HIRA: variants seen among roughly 807,000 people sequenced by gnomAD.
HIRA encodes the protein histone cell cycle regulator.
HIRA carries 13 observed loss-of-function variants against 126.6 expected under a neutral mutation model. The ratio of observed to expected loss-of-function variants is 0.10; its 90% CI spans 0.07 to 0.16. The LOEUF (loss-of-function observed/expected upper bound fraction) is 0.16. HIRA is among the 10% of genes least tolerant of loss of function. The probability of loss-of-function intolerance (pLI) is 1.00; values close to 1 mark genes in which losing one functional copy is unlikely to be tolerated. For missense variants in HIRA, 834 were observed against 1,314.4 expected (o/e 0.63, Z 5.65); for synonymous variants, 511 against 520.0 (o/e 0.98, Z 0.24).
At chr22:19,405,200 T>C (rs914371524) in intron 5 of HIRA, among the ~76,000 whole-genome samples, 5 of 152,286 alleles carry the variant, frequency 3.3e-5, no homozygotes, top group African/African-American at 1.2e-4. Flanking sequence ...TGTACCACCC[T>C]GCCTGGAAAA....
intron 24 of HIRA, among the ~76,000 whole-genome samples, chr22:19,334,446 T>G (rs1601793842): frequency 6.7e-6 from 1 of 149,852 alleles, no homozygotes. Context: ...AGGCCAGGAG[T>G]TCGAGACCAG....
intron 2 of HIRA, among the ~76,000 whole-genome samples, chr22:19,408,868 T>C (rs752791518): frequency 7.9e-5 from 12 of 152,226 alleles, no homozygotes; most frequent in Non-Finnish European, 1.2e-4. Flanking sequence ...AACTGAGCTC[T>C]GATCTGGCCT....
chr22:19,426,865 A>G (rs894401728), intron 1 of HIRA, among the ~76,000 whole-genome samples: 9 of 152,220 alleles, frequency 5.9e-5, no homozygotes, highest in Non-Finnish European at 1.0e-4. Flanking sequence ...GAGCTACCAC[A>G]TGGAGCAGGT....
chr22:19,375,814 G>T, intron 14 of HIRA, 22 bp from the exon 15 acceptor site: 2 of 1,612,944 alleles, frequency 1.2e-6, no homozygotes, highest in Non-Finnish European at 1.7e-6. Flanking sequence ...AAGAGGGGAG[G>T]CATGTCAAGC....
intron 18 of HIRA, among the ~76,000 whole-genome samples, chr22:19,359,072 A>C (rs559167407): frequency 1.3e-5 from 2 of 152,324 alleles, no homozygotes; most frequent in African/African-American, 4.8e-5. Context: ...GAATCAGGCC[A>C]TCAGGTTCAA....
intron 14 of HIRA, among the ~76,000 whole-genome samples, chr22:19,376,940 A>C (rs180808483): frequency 6.6e-6 from 1 of 152,344 alleles, no homozygotes; most frequent in Non-Finnish European, 1.5e-5. Context: ...TCACTTTCCT[A>C]AAATGGAGAT....
intron 15 of HIRA, among the ~76,000 whole-genome samples, chr22:19,370,661 C>T (rs1041961994): frequency 2.6e-5 from 4 of 152,168 alleles, no homozygotes; most frequent in African/African-American, 7.2e-5. Context: ...GTTAAAGATA[C>T]TGGGACTTGT....
intron 2 of HIRA, among the ~76,000 whole-genome samples, chr22:19,409,105 T>C (rs2089330187): frequency 6.6e-6 from 1 of 152,184 alleles, no homozygotes; most frequent in African/African-American, 2.4e-5. Context: ...CAGAGCCGAC[T>C]GTTTTGAGAC....
At chr22:19,401,413 T>C (rs1453014130) in intron 5 of HIRA, among the ~76,000 whole-genome samples, 2 of 152,184 alleles carry the variant, frequency 1.3e-5, no homozygotes, top group African/African-American at 2.4e-5. Context: ...CCTCTCCTTC[T>C]AGCTTCTTTT....
intron 5 of HIRA, among the ~76,000 whole-genome samples, chr22:19,402,170 C>A (rs778949044): frequency 6.6e-6 from 1 of 152,228 alleles, no homozygotes; most frequent in Non-Finnish European, 1.5e-5. Context: ...ACTACTCACT[C>A]GTCTGTCTCT....
chr22:19,416,778 G>C (rs1482476891), intron 1 of HIRA, among the ~76,000 whole-genome samples: 2 of 152,156 alleles, frequency 1.3e-5, no homozygotes, highest in Non-Finnish European at 2.9e-5. Context: ...CCCATAGAAT[G>C]GGAGAAATAT....
At chr22:19,394,053 T>C (rs976843878) in intron 8 of HIRA, among the ~76,000 whole-genome samples, 6 of 152,254 alleles carry the variant, frequency 3.9e-5, no homozygotes, top group Admixed American at 3.3e-4. Context: ...TTGGTGGGTA[T>C]ACCAGAATTG....
At chr22:19,415,404 A>G (rs1444928335) in intron 1 of HIRA, among the ~76,000 whole-genome samples, 1 of 152,248 alleles carries the variant, frequency 6.6e-6, no homozygotes, top group Non-Finnish European at 1.5e-5. Flanking sequence ...CACTGAAACT[A>G]TAAAATATAA....
intron 9 of HIRA, among the ~76,000 whole-genome samples, chr22:19,389,370 C>T (rs569499339): frequency 6.6e-6 from 1 of 152,254 alleles, no homozygotes; most frequent in East Asian, 1.9e-4. Context: ...TGCCTGGCTA[C>T]CCTGCTGGCT....
chr22:19,408,152 T>C (rs1007076053), intron 3 of HIRA, among the ~76,000 whole-genome samples: 3 of 152,166 alleles, frequency 2.0e-5, no homozygotes, highest in African/African-American at 4.8e-5. Context: ...CAACCTGAGA[T>C]GTTTTGGCAA....
intron 1 of HIRA, among the ~76,000 whole-genome samples, chr22:19,425,020 G>A (rs2089478458): frequency 1.3e-5 from 2 of 152,066 alleles, no homozygotes; most frequent in Admixed American, 1.3e-4. Flanking sequence ...AATTCCCTAG[G>A]AGGTCCCAGC....
At chr22:19,365,543 G>C (rs2088904650) in intron 15 of HIRA, among the ~76,000 whole-genome samples, 1 of 152,216 alleles carries the variant, frequency 6.6e-6, no homozygotes, top group Non-Finnish European at 1.5e-5. Flanking sequence ...TCTGTTTAGA[G>C]CATGGTTTAC....
At chr22:19,393,480 C>G (rs1210244228) in intron 8 of HIRA, among the ~76,000 whole-genome samples, 1 of 152,070 alleles carries the variant, frequency 6.6e-6, no homozygotes, top group African/African-American at 2.4e-5. Flanking sequence ...GCCTCGGCCT[C>G]CTGAGTGGCT....
In HIRA at chr22:19,351,724, G is replaced by A. The variant is rs2088759967; in HGVS notation, c.2849-278C>T. On this transcript the variant is annotated intron_variant, in intron 23 of 24. Transcript: ENST00000263208. This position sits in a 1 kb window ranked among gnomAD's most constrained non-coding sequence, Gnocchi z 4.8. ...GGGCCCAGAGGAAAAACGAGATATG[G>A]CCAGTTCTGTGATAAACTCCTTAAG... 6.6e-6 allele frequency among the ~76,000 whole-genome samples: 1 copy of A among 152,146 alleles called. No homozygotes were observed. Among genetic ancestry groups the A allele is most frequent in the Non-Finnish European group, 1.5e-5 (1 of 68,020 alleles).
Sources: gnomAD v4.1 joint callset for allele counts (sites outside exome capture counted in the v4.1 genomes callset) on GRCh38, gnomAD v4.1.1 for gene constraint, Gnocchi (gnomAD v3.1) non-coding constraint, MANE v1.5 for transcripts, NCBI Gene and HGNC (gene_info 2026-07-23, HGNC 2026-07-21) for gene names.